SSH2: variants seen among roughly 807,000 people sequenced by gnomAD.
SSH2 encodes slingshot protein phosphatase 2, also known as protein phosphatase Slingshot homolog 2.
Under a neutral mutation model 135.2 loss-of-function variants are expected in SSH2, and 37 were observed. That is an observed-to-expected ratio of 0.27 (90% CI 0.21 to 0.36). The LOEUF (loss-of-function observed/expected upper bound fraction) is 0.36. Ranked by LOEUF, SSH2 falls within the 10% of genes least tolerant of loss-of-function variation. SSH2 has a pLI of 1.00. For missense variants in SSH2, 1,408 were observed against 1,765.3 expected (o/e 0.80, Z 3.63); for synonymous variants, 628 against 646.2 (o/e 0.97, Z 0.43).
At chr17:29,753,970 G>C (rs1387297525) in intron 3 of SSH2, among the ~76,000 whole-genome samples, 2 of 152,146 alleles carry the variant, frequency 1.3e-5, no homozygotes, top group East Asian at 3.8e-4. Context: ...TGTGAGTGCA[G>C]CACTACAGGA....
At chr17:29,741,934 CTTTTTT>C (rs71138848) in intron 3 of SSH2, among the ~76,000 whole-genome samples, 11 of 97,908 alleles carry the variant, frequency 1.1e-4, no homozygotes, top group African/African-American at 4.0e-4. Context: ...ATTTTTTTTT[CTTTTTT>C]TTTTTTTTTT....
chr17:29,930,071 C>T lies in SSH2; in HGVS notation c.-71G>A. On this transcript the variant is annotated 5_prime_UTR_variant, in exon 1 of 16. Coordinates refer to ENST00000540801, the MANE Select transcript of SSH2 (RefSeq NM_001282129.2). ...TGTGGGGGACGGGAGGGTGACGGAG[C>T]CGGGATGGGGAAAGGGGTGCGGGGT... is the stretch of plus-strand genomic sequence containing the variant. 1.7e-6 allele frequency: 1 copy of T among 598,668 alleles called. No homozygotes were observed. Among genetic ancestry groups the T allele is most frequent in the Non-Finnish European group, 2.8e-6 (1 of 362,480 alleles). 37.1% of individuals were successfully genotyped at this position (598,668 alleles called of 1,614,324 possible).
chr17:29,769,250 C>T (rs1163867537), intron 3 of SSH2, among the ~76,000 whole-genome samples: 1 of 152,114 alleles, frequency 6.6e-6, no homozygotes, highest in Non-Finnish European at 1.5e-5. Flanking sequence ...TATATTGTCT[C>T]CATGATGATG....
chr17:29,777,288 C>T (rs9891188), intron 3 of SSH2, among the ~76,000 whole-genome samples: 11,243 of 152,002 alleles, frequency 0.074, 1,358 homozygotes, highest in African/African-American at 0.25. Context: ...TTATACCTTA[C>T]AGCATCTATC....
intron 11 of SSH2, among the ~76,000 whole-genome samples, chr17:29,666,608 G>A (rs540756677): frequency 1.1e-4 from 16 of 152,064 alleles, no homozygotes; most frequent in Admixed American, 6.6e-4. Flanking sequence ...GCTTGAACCC[G>A]CGAGGCAGAG....
rs532004656 is a variant in SSH2, at chr17:29,814,918, G to A, written c.145-20981C>T. On this transcript the variant is annotated intron_variant, in intron 2 of 15. Transcript: ENST00000540801. ...AATGGGAAAGTGAATTAGGGATGGG[G>A]AAAATGTATAAATTACTGTTCCTTT... is the stretch of plus-strand genomic sequence containing the variant. 3.3e-5 allele frequency among the ~76,000 whole-genome samples: 5 copies of A among 150,594 alleles called. No individual in the cohort carries two copies. The East Asian group carries it at 7.8e-4, about 23-fold the overall frequency.
chr17:29,756,247 G>T (rs983450519), intron 3 of SSH2, among the ~76,000 whole-genome samples: 17 of 147,806 alleles, frequency 1.2e-4, no homozygotes, highest in Non-Finnish European at 2.5e-4. Context: ...TGGGCAACAA[G>T]AGCGAGACTC....
intron 1 of SSH2, among the ~76,000 whole-genome samples, chr17:29,911,287 C>T (rs1313308115): frequency 6.6e-6 from 1 of 152,096 alleles, no homozygotes; most frequent in African/African-American, 2.4e-5. Flanking sequence ...AAACTGTGCC[C>T]CTCAGACAGT....
chr17:29,870,644 G>A (rs1369948149), intron 1 of SSH2, among the ~76,000 whole-genome samples: 1 of 152,212 alleles, frequency 6.6e-6, no homozygotes, highest in Non-Finnish European at 1.5e-5. Context: ...TGAGGATACT[G>A]ACAAGTGTCA....
chr17:29,873,007 A>G (rs1024311969), intron 1 of SSH2, among the ~76,000 whole-genome samples: 1 of 152,102 alleles, frequency 6.6e-6, no homozygotes, highest in African/African-American at 2.4e-5. Flanking sequence ...AAAAAAAAAA[A>G]AGTATTTTTT....
intron 3 of SSH2, among the ~76,000 whole-genome samples, chr17:29,710,816 A>G (rs1050463813): frequency 1.9e-4 from 29 of 152,374 alleles, no homozygotes; most frequent in South Asian, 2.1e-4. Context: ...TCAAAAGTCA[A>G]AAGTACACCT....
At chr17:29,863,812 T>C (rs994430347) in intron 1 of SSH2, 3 of 152,254 alleles carry the variant, frequency 2.0e-5, no homozygotes, top group African/African-American at 7.2e-5. Flanking sequence ...ACATCTTCTA[T>C]GTCTGCACTT....
chr17:29,822,165 A>G (rs2042664911), intron 2 of SSH2, among the ~76,000 whole-genome samples: 2 of 152,196 alleles, frequency 1.3e-5, no homozygotes, highest in Non-Finnish European at 2.9e-5. Flanking sequence ...ACACAAGCCC[A>G]TCCCCTTCAG....
At chr17:29,842,978 C>T (rs2043069428) in intron 2 of SSH2, among the ~76,000 whole-genome samples, 1 of 152,070 alleles carries the variant, frequency 6.6e-6, no homozygotes, top group African/African-American at 2.4e-5. Flanking sequence ...TCCCTTTTTC[C>T]CCCCTTTTTC....
At chr17:29,660,422 A>C (rs1010861633) in intron 11 of SSH2, among the ~76,000 whole-genome samples, 1 of 151,718 alleles carries the variant, frequency 6.6e-6, no homozygotes, top group Non-Finnish European at 1.5e-5. Flanking sequence ...GTGCGCCACC[A>C]CATTCAGCTA....
At chr17:29,828,232 C>G (rs1050981911) in intron 2 of SSH2, among the ~76,000 whole-genome samples, 1 of 152,204 alleles carries the variant, frequency 6.6e-6, no homozygotes, top group Non-Finnish European at 1.5e-5. Context: ...ACACAAGAAA[C>G]TTTTAATTTT....
intron 2 of SSH2, among the ~76,000 whole-genome samples, chr17:29,812,740 T>A (rs1402315171): frequency 6.6e-6 from 1 of 151,658 alleles, no homozygotes; most frequent in Non-Finnish European, 1.5e-5. Flanking sequence ...AATATAAAAA[T>A]TTAGCTGGGC....
intron 5 of SSH2, among the ~76,000 whole-genome samples, chr17:29,689,483 C>T (rs1165174465): frequency 6.6e-6 from 1 of 152,180 alleles, no homozygotes; most frequent in East Asian, 1.9e-4. Flanking sequence ...TAAAGTTCTC[C>T]TTGAAAAGGA....
intron 3 of SSH2, among the ~76,000 whole-genome samples, chr17:29,758,811 C>T (rs1201625132): frequency 6.8e-6 from 1 of 147,178 alleles, no homozygotes; most frequent in Non-Finnish European, 1.5e-5. Context: ...TGCAATGGCA[C>T]ACTCATGGCT....
Sources: allele counts gnomAD v4.1 joint callset (sites outside exome capture counted in the v4.1 genomes callset), GRCh38; gene constraint gnomAD v4.1.1; transcripts MANE v1.5; gene names NCBI Gene and HGNC (gene_info 2026-07-23, HGNC 2026-07-21).